ZFYVE9: variants seen among roughly 807,000 people sequenced by gnomAD.
ZFYVE9 encodes zinc finger FYVE-type containing 9, also known as zinc finger FYVE domain-containing protein 9.
ZFYVE9 carries 43 observed loss-of-function variants against 126.7 expected under a neutral mutation model. That is an observed-to-expected ratio of 0.34 (90% CI 0.27 to 0.44). The LOEUF (loss-of-function observed/expected upper bound fraction) is 0.44. Ranked by LOEUF, ZFYVE9 falls within the 20% of genes least tolerant of loss-of-function variation. ZFYVE9 has a pLI of 1.00. For synonymous variants in ZFYVE9, 521 were observed against 597.4 expected (o/e 0.87, Z 1.87); for missense variants, 1,476 against 1,697.0 (o/e 0.87, Z 2.29).
intron 1 of ZFYVE9, among the ~76,000 whole-genome samples, chr1:52,213,989 C>A (rs994875247): frequency 6.6e-6 from 1 of 152,038 alleles, no homozygotes; most frequent in Non-Finnish European, 1.5e-5. Flanking sequence ...TCCTATGTAG[C>A]CAAGTAACTT....
intron 2 of ZFYVE9, among the ~76,000 whole-genome samples, chr1:52,229,078 G>A (rs1035142422): frequency 2.6e-5 from 4 of 151,912 alleles, no homozygotes; most frequent in Non-Finnish European, 5.9e-5. Context: ...TGCCCAGGCT[G>A]CTCTTGAACT....
At chr1:52,323,237 T>G (rs1646258417) in intron 13 of ZFYVE9, among the ~76,000 whole-genome samples, 1 of 152,240 alleles carries the variant, frequency 6.6e-6, no homozygotes, top group Non-Finnish European at 1.5e-5. Context: ...CCCCATGCAG[T>G]GGGATAAAAG....
At chr1:52,144,356 C>A (rs1164201528) in intron 1 of ZFYVE9, among the ~76,000 whole-genome samples, 1 of 151,968 alleles carries the variant, frequency 6.6e-6, no homozygotes, top group Admixed American at 6.6e-5. Flanking sequence ...GTGTGTCCCT[C>A]AAGACCACCA....
intron 2 of ZFYVE9, among the ~76,000 whole-genome samples, chr1:52,226,809 C>T (rs1424384666): frequency 6.6e-6 from 1 of 152,214 alleles, no homozygotes; most frequent in Non-Finnish European, 1.5e-5. Flanking sequence ...AGGGAGTGGG[C>T]TTCCAGATCA....
chr1:52,293,922 T>G (rs1353372702), intron 11 of ZFYVE9, among the ~76,000 whole-genome samples: 1 of 152,230 alleles, frequency 6.6e-6, no homozygotes, highest in African/African-American at 2.4e-5. Flanking sequence ...AACACGATCA[T>G]CTTTAGAAAA....
At chr1:52,310,163 T>G (rs1646124818) in intron 13 of ZFYVE9, among the ~76,000 whole-genome samples, 2 of 151,998 alleles carry the variant, frequency 1.3e-5, no homozygotes, top group African/African-American at 4.8e-5. Context: ...GGGATGAGAT[T>G]TCCCCTTGTT....
intron 17 of ZFYVE9, among the ~76,000 whole-genome samples, chr1:52,343,112 C>T (rs187443356): frequency 3.3e-5 from 5 of 151,134 alleles, no homozygotes; most frequent in Admixed American, 6.6e-5. Flanking sequence ...TTAGTAGAGA[C>T]GGGGTTTCAC....
chr1:52,261,106 A>G (rs1250407460), intron 4 of ZFYVE9, among the ~76,000 whole-genome samples: 2 of 151,940 alleles, frequency 1.3e-5, no homozygotes, highest in Non-Finnish European at 2.9e-5. Context: ...CATTTCCTAA[A>G]TCTTCCCTGA....
At chr1:52,211,011 A>G (rs1645023902) in intron 1 of ZFYVE9, among the ~76,000 whole-genome samples, 1 of 152,088 alleles carries the variant, frequency 6.6e-6, no homozygotes, top group Non-Finnish European at 1.5e-5. Context: ...GCTGGGCTAG[A>G]GTCATCTTGA....
Position 52,346,251 on chromosome 1 carries a change from GA to G in ZFYVE9, c.*31del. 4 of 1,540,712 alleles carry G rather than the reference GA, an allele frequency of 2.6e-6. No individual in the cohort carries two copies. Among genetic ancestry groups the G allele is most frequent in the Non-Finnish European group, 3.5e-6 (4 of 1,137,936 alleles). On this transcript the variant is annotated 3_prime_UTR_variant, in exon 19 of 19. Coordinates refer to ENST00000287727, the MANE Select transcript of ZFYVE9 (RefSeq NM_004799.4). ...AGAAGACTTCATTTTTTTCTGTTCA[GA>G]CTTGTTGCAACAGCAGTCATACCCA...
At chr1:52,155,234 CTT>C (rs202048189) in intron 1 of ZFYVE9, among the ~76,000 whole-genome samples, 9 of 129,096 alleles carry the variant, frequency 7.0e-5, no homozygotes, top group Non-Finnish European at 6.6e-5. Context: ...TCTTTTTTTT[CTT>C]TTTTTTTTTT....
intron 14 of ZFYVE9, among the ~76,000 whole-genome samples, chr1:52,333,698 G>A (rs147137876): frequency 7.1e-4 from 108 of 151,902 alleles, no homozygotes; most frequent in Middle Eastern, 6.8e-3. Context: ...GCTCATGCCT[G>A]TAATCCCAGC....
intron 1 of ZFYVE9, among the ~76,000 whole-genome samples, chr1:52,145,851 A>G (rs932373144): frequency 1.3e-5 from 2 of 152,124 alleles, no homozygotes; most frequent in African/African-American, 2.4e-5. Flanking sequence ...TTTTTAGCCA[A>G]TAAATTAGTA....
At chr1:52,187,513 A>C (rs1229966716) in intron 1 of ZFYVE9, among the ~76,000 whole-genome samples, 1 of 152,252 alleles carries the variant, frequency 6.6e-6, no homozygotes, top group Non-Finnish European at 1.5e-5. Context: ...CTACCAACAG[A>C]GTAAACAGAC....
At chr1:52,168,662 C>T (rs575081389) in intron 1 of ZFYVE9, among the ~76,000 whole-genome samples, 1 of 152,010 alleles carries the variant, frequency 6.6e-6, no homozygotes, top group Admixed American at 6.6e-5. Flanking sequence ...ACCACAGACA[C>T]ACACCACCAT....
chr1:52,185,137 G>C (rs1644753342), intron 1 of ZFYVE9, among the ~76,000 whole-genome samples: 1 of 152,126 alleles, frequency 6.6e-6, no homozygotes, highest in Non-Finnish European at 1.5e-5. Flanking sequence ...ACTCATCCCA[G>C]GTTTATGCTT....
chr1:52,332,248 A>G (rs1167512729), intron 13 of ZFYVE9, among the ~76,000 whole-genome samples: 1 of 152,156 alleles, frequency 6.6e-6, no homozygotes, highest in Non-Finnish European at 1.5e-5. Flanking sequence ...TCTTTTGAGA[A>G]GAATAAAGCA....
chr1:52,270,502 G>A (rs1032982614), intron 7 of ZFYVE9, among the ~76,000 whole-genome samples: 1 of 152,158 alleles, frequency 6.6e-6, no homozygotes, highest in Non-Finnish European at 1.5e-5. Context: ...CTGACCTCCT[G>A]ATCTGCCCTC....
chr1:52,214,846 C>G (rs766170293), intron 1 of ZFYVE9, among the ~76,000 whole-genome samples: 1 of 152,134 alleles, frequency 6.6e-6, no homozygotes, highest in Non-Finnish European at 1.5e-5. Flanking sequence ...ATTGATGTCC[C>G]AGCTCAACCA....
Sources: allele counts gnomAD v4.1 joint callset (sites outside exome capture counted in the v4.1 genomes callset), GRCh38; gene constraint gnomAD v4.1.1; transcripts MANE v1.5; gene names NCBI Gene and HGNC (gene_info 2026-07-23, HGNC 2026-07-21).